Variants in IL1RAPL2 observed in about 807,000 individuals in gnomAD.
IL1RAPL2 encodes X-linked interleukin-1 receptor accessory protein-like 2.
A neutral mutation model predicts 44.1 loss-of-function variants in IL1RAPL2; 3 were observed. The ratio of observed to expected loss-of-function variants is 0.07; its 90% CI spans 0.03 to 0.18. IL1RAPL2 has a LOEUF of 0.18. Ranked by LOEUF, IL1RAPL2 falls within the 10% of genes least tolerant of loss-of-function variation. The pLI is 1.00. For synonymous variants in IL1RAPL2, 181 were observed against 178.8 expected (o/e 1.01, Z -0.10); for missense variants, 391 against 496.4 (o/e 0.79, Z 2.02).
intron 1 of IL1RAPL2, among the ~76,000 whole-genome samples, chrX:104,600,245 T>C (rs1157296667): frequency 1.8e-5 from 2 of 111,952 alleles, no homozygotes; most frequent in African/African-American, 6.5e-5. Context: ...ATCTTTGACA[T>C]GTAACCTAAC....
At chrX:105,168,492 AAG>A (rs1224387560) in intron 2 of IL1RAPL2, among the ~76,000 whole-genome samples, 10 of 91,151 alleles carry the variant, frequency 1.1e-4, no homozygotes, top group Admixed American at 4.6e-4. Flanking sequence ...GGGAAGGAGG[AAG>A]AGAGAGAGAG....
intron 1 of IL1RAPL2, among the ~76,000 whole-genome samples, chrX:104,642,675 CAG>C (rs1929956535): frequency 9.0e-6 from 1 of 110,774 alleles, no homozygotes; most frequent in Non-Finnish European, 1.9e-5. Flanking sequence ...TTAGTAGAGA[CAG>C]GGTTTCACTA....
At chrX:104,891,873 C>T (rs5962992) in intron 2 of IL1RAPL2, among the ~76,000 whole-genome samples, 3,047 of 110,304 alleles carry the variant, frequency 0.028, 107 homozygotes, top group African/African-American at 0.096. Flanking sequence ...GTCTTGTGCC[C>T]GTTTTCAAAG....
chrX:104,777,406 G>A (rs751861311), intron 2 of IL1RAPL2, among the ~76,000 whole-genome samples: 7 of 109,902 alleles, frequency 6.4e-5, no homozygotes, highest in Admixed American at 9.8e-5. Context: ...GTAATATTTC[G>A]TTGCATTTAT....
intron 6 of IL1RAPL2, among the ~76,000 whole-genome samples, chrX:105,654,741 T>C (rs2037666101): frequency 8.9e-6 from 1 of 112,174 alleles, no homozygotes; most frequent in African/African-American, 3.2e-5. Flanking sequence ...GTCATGTTTC[T>C]GGCATTTATT....
At chrX:105,290,693 T>G (rs931444659) in intron 5 of IL1RAPL2, among the ~76,000 whole-genome samples, 2 of 111,201 alleles carry the variant, frequency 1.8e-5, no homozygotes, top group African/African-American at 6.5e-5. Flanking sequence ...CTTGGATGAT[T>G]GTGTTGGTAG....
At chrX:104,652,376 T>C (rs749806892) in intron 1 of IL1RAPL2, among the ~76,000 whole-genome samples, 53 of 112,287 alleles carry the variant, frequency 4.7e-4, no homozygotes, top group Non-Finnish European at 9.6e-4. Context: ...ATGAGTAACT[T>C]GAAAAAACAC....
intron 8 of IL1RAPL2, among the ~76,000 whole-genome samples, chrX:105,742,285 T>C (rs1478308184): frequency 9.0e-6 from 1 of 111,338 alleles, no homozygotes; most frequent in Non-Finnish European, 1.9e-5. Flanking sequence ...TCTTGGAGCT[T>C]ATACTCTTTG....
rs2096460605 is a variant in IL1RAPL2, at chrX:105,233,812, C to T, written c.357-6C>T. On this transcript the variant is annotated splice_polypyrimidine_tract_variant and splice_region_variant and intron_variant, in intron 3 of 10. Coordinates refer to ENST00000372582, the MANE Select transcript of IL1RAPL2 (RefSeq NM_017416.2). Reference sequence around the variant, plus strand: ...AAGCCATTTTGTTATTTCTCTGTTCCTACAGAAACTCAACATATTGCATGA... The same window carrying T: ...AAGCCATTTTGTTATTTCTCTGTTCTTACAGAAACTCAACATATTGCATGA... 3.4e-6 allele frequency: 4 copies of T among 1,193,176 alleles called. No individual in the cohort carries two copies. Among genetic ancestry groups the T allele is most frequent in the Middle Eastern group, 4.7e-4 (2 of 4,257 alleles).
At chrX:105,511,098 A>G (rs1181620099) in intron 6 of IL1RAPL2, among the ~76,000 whole-genome samples, 1 of 111,537 alleles carries the variant, frequency 9.0e-6, no homozygotes, top group Non-Finnish European at 1.9e-5. Context: ...GAAGTTGACC[A>G]CTCACATTTA....
At position 104,905,242 on chromosome X, in the gene IL1RAPL2, A is replaced by G. The variant is rs188025415; in HGVS notation, c.82+246247A>G. Among the ~76,000 whole-genome samples, 12 of 111,224 alleles carry G rather than the reference A, an allele frequency of 1.1e-4. No homozygotes were observed. In the South Asian group the frequency reaches 4.5e-3, roughly 42 times the overall value. On this transcript the variant is annotated intron_variant, in intron 2 of 10. Transcript: ENST00000372582. ...GAGTAGGTTGCGAAAATTTTCTCCC[A>G]TTTTGTAGGTTTCCTGTTCACTCTA...
intron 5 of IL1RAPL2, among the ~76,000 whole-genome samples, chrX:105,294,013 T>C (rs1154791): frequency 0.26 from 28,783 of 111,715 alleles, 7,091 homozygotes; most frequent in African/African-American, 0.79. Flanking sequence ...TTTCTATATG[T>C]AAATGATGTG....
chrX:104,979,001 A>G (rs1160051924), intron 2 of IL1RAPL2, among the ~76,000 whole-genome samples: 1 of 111,009 alleles, frequency 9.0e-6, no homozygotes, highest in Admixed American at 9.7e-5. Flanking sequence ...AGGCATAGTG[A>G]TTTCAAAGTA....
chrX:105,286,847 G>T, intron 5 of IL1RAPL2, among the ~76,000 whole-genome samples: 1 of 111,716 alleles, frequency 9.0e-6, no homozygotes, highest in Non-Finnish European at 1.9e-5. Context: ...TAGAGTTGGA[G>T]ATGAAAGAAT....
chrX:105,730,699 A>G (rs1010682421), intron 7 of IL1RAPL2, among the ~76,000 whole-genome samples: 1 of 111,600 alleles, frequency 9.0e-6, no homozygotes, highest in African/African-American at 3.2e-5. Flanking sequence ...CTAGAAATCA[A>G]TAACAAGAGG....
chrX:105,158,300 A>G (rs1056774900), intron 2 of IL1RAPL2, among the ~76,000 whole-genome samples: 2 of 111,379 alleles, frequency 1.8e-5, no homozygotes, highest in African/African-American at 6.5e-5. Context: ...CGGAGCTTGC[A>G]GTGAGCCGAG....
intron 6 of IL1RAPL2, among the ~76,000 whole-genome samples, chrX:105,683,040 G>A (rs948530197): frequency 2.6e-4 from 29 of 112,041 alleles, no homozygotes; most frequent in African/African-American, 9.4e-4. Context: ...TGTAATGAAT[G>A]TTTGTTTTTG....
At chrX:105,123,688 A>G (rs1366467899) in intron 2 of IL1RAPL2, among the ~76,000 whole-genome samples, 1 of 111,296 alleles carries the variant, frequency 9.0e-6, no homozygotes, top group African/African-American at 3.3e-5. Flanking sequence ...CAGTGGTAAC[A>G]TGGGAGAGGA....
chrX:104,988,721 T>C (rs1311263283), intron 2 of IL1RAPL2, among the ~76,000 whole-genome samples: 1 of 112,341 alleles, frequency 8.9e-6, no homozygotes, highest in African/African-American at 3.2e-5. Flanking sequence ...AAATGCTTTT[T>C]AAGATGTTTT....
Sources: allele counts gnomAD v4.1 joint callset (sites outside exome capture counted in the v4.1 genomes callset), GRCh38; gene constraint gnomAD v4.1.1; transcripts MANE v1.5; gene names NCBI Gene and HGNC (gene_info 2026-07-23, HGNC 2026-07-21).